FCSK: variants seen among roughly 807,000 people sequenced by gnomAD.
FCSK encodes the protein fucose kinase.
A neutral mutation model predicts 122.5 loss-of-function variants in FCSK; 123 were observed. The ratio of observed to expected loss-of-function variants is 1.00; its 90% confidence interval spans 0.87 to 1.17. The LOEUF is 1.17. Ranked by LOEUF, FCSK falls within the 50% of genes most tolerant of loss-of-function variation. The probability of loss-of-function intolerance (pLI) is 0.00; values close to 1 mark genes in which losing one functional copy is unlikely to be tolerated. For synonymous variants in FCSK, 620 were observed against 625.5 expected, an observed-to-expected ratio of 0.99 and a Z score of 0.13; for missense variants, 1,366 against 1,450.4, an observed-to-expected ratio of 0.94 and a Z score of 0.95.
chr16:70,467,882 A>G lies in FCSK; in HGVS notation c.583-4A>G, dbSNP rs562966961. 1.4e-5 allele frequency: 22 copies of G among 1,613,614 alleles called. No individual in the cohort carries two copies. The highest frequency in any genetic ancestry group is 5.3e-5 in the African/African-American group (4 of 75,024). On this transcript the variant is annotated splice_polypyrimidine_tract_variant and splice_region_variant and intron_variant, in intron 7 of 23. Coordinates refer to ENST00000288078, the MANE Select transcript of FCSK (RefSeq NM_145059.3). ...CCGCTGATTCTGTTTCTCCCTGCAC[A>G]TAGGGCCTTGTTTTGGACATTTACT... is the stretch of plus-strand genomic sequence containing the variant.
At chr16:70,469,900 A>G (rs1403576459) in intron 10 of FCSK, among the ~76,000 whole-genome samples, 1 of 147,958 alleles carries the variant, frequency 6.8e-6, no homozygotes, top group African/African-American at 2.5e-5. Flanking sequence ...GCTGGAGTGC[A>G]GTGGCGTAAT....
chr16:70,471,225 A>G lies in FCSK; in HGVS notation c.1214A>G (p.Asp405Gly). The G allele has an allele frequency of 6.2e-7, 1 of 1,610,950 alleles. No homozygotes were observed. The change falls in exon 13 of 24, where the codon GAT becomes GGT. Residue 405 changes from aspartate (D) to glycine (G), a missense_variant. Transcript: ENST00000288078. ...GCTGGCTGCTTGGTGACTGGCCTGGATACAGCCCACTCCAAGGCCCTGCAT... is the reference window on the plus strand; with the variant it reads ...GCTGGCTGCTTGGTGACTGGCCTGGGTACAGCCCACTCCAAGGCCCTGCAT... Reference protein sequence around the residue: ...IGAGCLVTGLDTAHSKALHGR... With the variant: ...IGAGCLVTGLGTAHSKALHGR...
At position 70,467,485 on chromosome 16, in the gene FCSK, G is replaced by A; in HGVS notation, c.582+14G>A. The A allele has an allele frequency of 6.4e-7, 1 of 1,571,408 alleles. No homozygotes were observed. Among genetic ancestry groups the A allele is most frequent in the Non-Finnish European group, 8.6e-7 (1 of 1,157,678 alleles). On this transcript the variant is annotated intron_variant, in intron 7 of 23. Coordinates refer to ENST00000288078, the MANE Select transcript of FCSK (RefSeq NM_145059.3). ...ACTGACCCCCAGGTAGTGCCCCTGG[G>A]GACAGTGGAGCCGGCTGGGGCAGCC...
At chr16:70,464,459 C>G (rs1246173946) in intron 3 of FCSK, among the ~76,000 whole-genome samples, 1 of 152,114 alleles carries the variant, frequency 6.6e-6, no homozygotes, top group Non-Finnish European at 1.5e-5. Flanking sequence ...GGAGACCAGC[C>G]TGACCAACGT....
chr16:70,455,239 C>T (rs2048053811), intron 1 of FCSK, among the ~76,000 whole-genome samples: 3 of 152,284 alleles, frequency 2.0e-5, no homozygotes, highest in African/African-American at 4.8e-5. Context: ...ATCTCTGGCT[C>T]CCCAACCCTA....
chr16:70,462,720 C>G (rs2048304231), intron 1 of FCSK, among the ~76,000 whole-genome samples: 2 of 152,196 alleles, frequency 1.3e-5, no homozygotes, highest in Non-Finnish European at 2.9e-5. Context: ...TCTTGGCCCA[C>G]TGCAGCCTCC....
chr16:70,474,070 G>A (rs2048716321), intron 15 of FCSK, 59 bp from the exon 16 acceptor site: 3 of 1,487,718 alleles, frequency 2.0e-6, no homozygotes, highest in African/African-American at 2.8e-5. Flanking sequence ...AGCCTCTCGT[G>A]AAAGAGGATT....
In FCSK at chr16:70,475,980, A is replaced by G. The variant is rs967566431; in HGVS notation, c.2641+213A>G. The G allele has an allele frequency of 1.3e-5, 6 of 475,088 alleles. No homozygotes were observed. In the South Asian group the frequency reaches 2.6e-4, roughly 20 times the overall value. 29.4% of individuals were successfully genotyped at this position (475,088 alleles called of 1,614,324 possible). ...CCAACGAGCCGTTTCACAAGCATCT[A>G]CTGAGTGCCAGATTCTGTGCTGTGC... On this transcript the variant is annotated intron_variant, in intron 20 of 23. Transcript: ENST00000288078.
At chr16:70,470,287 T>G (rs767754047) in intron 10 of FCSK, 27 bp from the exon 11 acceptor site, 1 of 1,521,204 alleles carries the variant, frequency 6.6e-7, no homozygotes, top group South Asian at 1.1e-5. Context: ...AGGCATGGGG[T>G]TGGGTTCAGT....
chr16:70,458,326 A>G (rs1015435253), intron 1 of FCSK, among the ~76,000 whole-genome samples: 2 of 149,126 alleles, frequency 1.3e-5, no homozygotes, highest in African/African-American at 4.9e-5. Context: ...TGCCTGGCTA[A>G]TTTTTGAATT....
At position 70,469,295 on chromosome 16, in the gene FCSK, G is replaced by C; in HGVS notation, c.927G>C (p.Arg309Ser). The change falls in exon 10 of 24, where the codon AGG becomes AGC. Residue 309 changes from arginine to serine, a missense_variant. By Grantham distance (110) the Arg-to-Ser change is moderately radical. Coordinates refer to ENST00000288078, the MANE Select transcript of FCSK (RefSeq NM_145059.3). ...YLQSARAQLW[R>S]ELRDQPLTMA... The stretch of plus-strand genomic sequence containing the variant: ...AGAGCGCCCGGGCCCAGCTGTGGAG[G>C]GAGCTTCGCGATCAGCCCCTTACCA... The C allele has an allele frequency of 1.9e-6, 3 of 1,608,250 alleles. No homozygotes were observed. The highest frequency in any genetic ancestry group is 1.7e-5 in the Admixed American group (1 of 59,696).
intron 3 of FCSK, among the ~76,000 whole-genome samples, chr16:70,464,061 C>T (rs1241134623): frequency 1.3e-5 from 2 of 152,118 alleles, no homozygotes; most frequent in South Asian, 4.1e-4. Context: ...GGCTGTCATC[C>T]CCATATGGCA....
intron 20 of FCSK, chr16:70,475,970 A>G: frequency 2.0e-6 from 1 of 512,552 alleles, no homozygotes; most frequent in Non-Finnish European, 3.3e-6. Context: ...GAGCCGTTTC[A>G]CAAGCATCTA....
chr16:70,475,705 G>A lies in FCSK; in HGVS notation c.2579G>A (p.Arg860Gln), dbSNP rs757342983. The A allele has an allele frequency of 1.7e-5, 27 of 1,602,416 alleles. No homozygotes were observed. The highest frequency in any genetic ancestry group is 9.4e-5 in the African/African-American group (7 of 74,830). ...GCTGCCTTGCAGCGAGCCGCAGGCCGGGTGGTGGGCACGGAAGCCCTGATC... is the reference window on the plus strand; with the variant it reads ...GCTGCCTTGCAGCGAGCCGCAGGCCAGGTGGTGGGCACGGAAGCCCTGATC... Reference protein sequence around the residue: ...ALAALQRAAGRVVGTEALIHA... With the variant: ...ALAALQRAAGQVVGTEALIHA... The change falls in exon 20 of 24, where the codon CGG becomes CAG. Residue 860 changes from arginine to glutamine, a missense_variant. By Grantham distance (43) the Arg-to-Gln change is conservative. Transcript: ENST00000288078.
At chr16:70,472,877 C>T (rs972134071) in intron 14 of FCSK, 106 bp from the exon 15 acceptor site, 22 of 1,371,012 alleles carry the variant, frequency 1.6e-5, no homozygotes, top group Non-Finnish European at 2.0e-5. Flanking sequence ...TATGCTACCT[C>T]GGAGGAGTCT....
Position 70,464,099 on chromosome 16 carries a change from G to A in FCSK, c.234+325G>A, listed in dbSNP as rs186706492. 1.3e-3 allele frequency among the ~76,000 whole-genome samples: 197 copies of A among 152,294 alleles called. 1 individual carries two copies. The highest frequency in any genetic ancestry group is 3.4e-3 in the African/African-American group (142 of 41,544). On this transcript the variant is annotated intron_variant, in intron 3 of 23. Coordinates refer to ENST00000288078, the MANE Select transcript of FCSK (RefSeq NM_145059.3). ...GAACTGTTCGCTGGACCTGAGCTGC[G>A]GCTGCCTGCTTTGGGCAGGCCATGT...
chr16:70,477,702 G>A (rs1225856779), intron 20 of FCSK: 3 of 153,330 alleles, frequency 2.0e-5, no homozygotes, highest in East Asian at 1.9e-4. Context: ...AGGGGCAGAG[G>A]TCAGTGTAAA....
In FCSK at chr16:70,473,190, T is replaced by G. The variant is rs1321510474; in HGVS notation, c.1614T>G (p.Asp538Glu). ...LSWEQLQPCL[D>E]RAATLASRRD... ...GGGAGCAGCTGCAGCCGTGCCTGGA[T>G]CGGGCTGCCACGCTGGCCTCTCGCC... Residue 538 changes from aspartate (D) to glutamate (E), a missense_variant, in exon 15 of 24, where the codon GAT becomes GAG. Coordinates refer to ENST00000288078, the MANE Select transcript of FCSK (RefSeq NM_145059.3). This position sits in a 1 kb window ranked among gnomAD's most constrained non-coding sequence, Gnocchi z 4.9. The G allele has an allele frequency of 1.9e-6, 3 of 1,539,370 alleles. No homozygotes were observed. The highest frequency in any genetic ancestry group is 2.0e-5 in the Admixed American group (1 of 51,050).
chr16:70,468,996 G>T, intron 9 of FCSK, 28 bp downstream of exon 9: 1 of 1,611,236 alleles, frequency 6.2e-7, no homozygotes. Context: ...GCTAGGTGGG[G>T]CCTGGCTTGG....
Sources: gnomAD v4.1 joint callset for allele counts (sites outside exome capture counted in the v4.1 genomes callset) on GRCh38, gnomAD v4.1.1 for gene constraint, Gnocchi (gnomAD v3.1) non-coding constraint, MANE v1.5 for transcripts, NCBI Gene and HGNC (gene_info 2026-07-23, HGNC 2026-07-21) for gene names.